Variants in SLC12A9 observed in about 807,000 individuals in gnomAD.
The protein encoded by SLC12A9 is solute carrier family 12 member 9.
Under a neutral mutation model 66.0 loss-of-function variants are expected in SLC12A9, and 55 were observed. That is an observed-to-expected ratio of 0.83 (90% CI 0.67 to 1.04). The LOEUF (loss-of-function observed/expected upper bound fraction) is 1.04. Among genes scored for constraint, SLC12A9 ranks in the 50% least tolerant of loss-of-function variants. SLC12A9 has a pLI of 0.00. For missense variants in SLC12A9, 1,061 were observed against 1,241.9 expected (o/e 0.85, Z 2.19); for synonymous variants, 577 against 569.0 (o/e 1.01, Z -0.20).
intron 1 of SLC12A9, among the ~76,000 whole-genome samples, chr7:100,835,313 C>A (rs1813628331): frequency 6.7e-6 from 1 of 148,738 alleles, no homozygotes; most frequent in Non-Finnish European, 1.5e-5. Context: ...TGAGATGGTT[C>A]CACTGCACTC....
chr7:100,855,269 T>G (rs1747533965), intron 3 of SLC12A9, among the ~76,000 whole-genome samples: 1 of 140,678 alleles, frequency 7.1e-6, no homozygotes, highest in Non-Finnish European at 1.5e-5. Flanking sequence ...ACTATAGGCA[T>G]GTACCACCAC....
chr7:100,866,551 G>C lies in SLC12A9; in HGVS notation c.2691G>C (p.Leu897=), dbSNP rs1227510831. The change falls in exon 14 of 14, where the codon CTG becomes CTC. Residue 897 remains leucine (L), a synonymous_variant. Coordinates refer to ENST00000354161, the MANE Select transcript of SLC12A9 (RefSeq NM_020246.4). The surrounding 1 kb of genome is among the most constrained non-coding windows in gnomAD (Gnocchi z 7.3). ...TACTGGAGACTCTAACCCGAGACCT[G>C]GGCCCCACGCTGCTGGTTCATGGGG... ...LALLETLTRD[L]GPTLLVHGVT... is the part of the protein sequence containing the mutation. The C allele has an allele frequency of 2.5e-6, 4 of 1,587,344 alleles. No individual in the cohort carries two copies. The African/African-American group carries it at 4.0e-5, about 16-fold the overall frequency.
At chr7:100,834,982 C>T (rs754596502) in intron 1 of SLC12A9, among the ~76,000 whole-genome samples, 1 of 151,486 alleles carries the variant, frequency 6.6e-6, no homozygotes, top group Non-Finnish European at 1.5e-5. Flanking sequence ...AGTGAGCCGC[C>T]GTGATCACAC....
chr7:100,849,783 G>T (rs1460484391), upstream of SLC12A9, among the ~76,000 whole-genome samples: 1 of 150,934 alleles, frequency 6.6e-6, no homozygotes, highest in Non-Finnish European at 1.5e-5. Context: ...TCAGGCCTGA[G>T]CCCAACAGTT....
At position 100,826,963 on chromosome 7, in the gene SLC12A9, C is replaced by G. The variant is rs1029838892; in HGVS notation, n.144C>G. 48 of 1,517,930 alleles carry G rather than the reference C, an allele frequency of 3.2e-5. No homozygotes were observed. The highest frequency in any genetic ancestry group is 1.7e-4 in the Middle Eastern group (1 of 5,762). 94.0% of individuals were successfully genotyped at this position (1,517,930 alleles called of 1,614,324 possible). ...CAGGAGTGACGGGGTGCGCCCCCCC[C>G]CGCAAGGAAACTCACCTTCCAAAGC... On this transcript the variant is annotated non_coding_transcript_exon_variant, in exon 1 of 2. Transcript: ENST00000461016.
chr7:100,847,385 T>C (rs1381190201), intron 1 of SLC12A9, among the ~76,000 whole-genome samples: 2 of 152,232 alleles, frequency 1.3e-5, no homozygotes, highest in East Asian at 1.9e-4. Flanking sequence ...TTTACAGATG[T>C]GGCCTTTGGC....
chr7:100,849,649 A>G (rs967602784), upstream of SLC12A9, among the ~76,000 whole-genome samples: 91 of 147,212 alleles, frequency 6.2e-4, no homozygotes, highest in Admixed American at 2.6e-3. Context: ...TGGGATGCGG[A>G]GGGTGCAGTG....
At chr7:100,848,723 A>G (rs1439208366), upstream of SLC12A9, among the ~76,000 whole-genome samples, 1 of 151,618 alleles carries the variant, frequency 6.6e-6, no homozygotes, top group Non-Finnish European at 1.5e-5. Context: ...CGTCTCCACT[A>G]AAAATACAAA....
intron 1 of SLC12A9, chr7:100,853,265 C>G (rs1186600989): frequency 3.9e-5 from 6 of 152,158 alleles, no homozygotes; most frequent in Non-Finnish European, 8.8e-5. Flanking sequence ...CCGTAACTTA[C>G]TTCCCTTTTG....
At chr7:100,830,663 G>T (rs951871189) in intron 1 of SLC12A9, among the ~76,000 whole-genome samples, 3 of 151,782 alleles carry the variant, frequency 2.0e-5, no homozygotes, top group Non-Finnish European at 4.4e-5. Flanking sequence ...ACTACGTGCC[G>T]AGTGATCACA....
intron 1 of SLC12A9, among the ~76,000 whole-genome samples, chr7:100,829,429 C>T (rs765872475): frequency 9.9e-5 from 15 of 152,076 alleles, no homozygotes; most frequent in South Asian, 2.1e-4. Context: ...CCTCTTGTCC[C>T]GGCTTACTTA....
In SLC12A9 at chr7:100,865,904, G is replaced by A; in HGVS notation, c.2044G>A (p.Asp682Asn). The A allele has an allele frequency of 1.2e-6, 2 of 1,613,552 alleles. No individual in the cohort carries two copies. Among genetic ancestry groups the A allele is most frequent in the Non-Finnish European group, 1.7e-6 (2 of 1,179,982 alleles). ...PGSPRALNPQ[D>N]YVATVADALK... is the part of the protein sequence containing the mutation. Reference sequence around the variant, plus strand: ...GAGCCCCCGGGCCCTCAATCCCCAGGACTATGTGGCCACGGTGGCCGACGC... The same window carrying A: ...GAGCCCCCGGGCCCTCAATCCCCAGAACTATGTGGCCACGGTGGCCGACGC... The change falls in exon 14 of 14, where the codon GAC becomes AAC. Residue 682 changes from aspartate (D) to asparagine (N), a missense_variant. Coordinates refer to ENST00000354161, the MANE Select transcript of SLC12A9 (RefSeq NM_020246.4).
chr7:100,844,389 T>C (rs982605731), intron 1 of SLC12A9, among the ~76,000 whole-genome samples: 15 of 152,128 alleles, frequency 9.9e-5, no homozygotes, highest in African/African-American at 3.6e-4. Flanking sequence ...TCACAAACGA[T>C]ATGAGTAAAG....
At chr7:100,849,198 A>T (rs929701861), upstream of SLC12A9, among the ~76,000 whole-genome samples, 1 of 149,020 alleles carries the variant, frequency 6.7e-6, no homozygotes, top group Non-Finnish European at 1.5e-5. Flanking sequence ...AAGTGCTGGG[A>T]TTACAGGTGT....
At chr7:100,848,498 A>AT (rs1813967569), upstream of SLC12A9, among the ~76,000 whole-genome samples, 4 of 138,566 alleles carry the variant, frequency 2.9e-5, no homozygotes, top group Admixed American at 2.5e-4. Flanking sequence ...ACCAAGTCTC[A>AT]AAAATAAATA....
chr7:100,859,843 GTGACGCA>G, intron 7 of SLC12A9, 35 bp from the exon 8 acceptor site: 1 of 1,569,002 alleles, frequency 6.4e-7, no homozygotes, highest in African/African-American at 1.3e-5. Flanking sequence ...TTCTTACCCC[GTGACGCA>G]TGATCATCCG....
rs1815104162 is a variant in SLC12A9, at chr7:100,866,429, G to C, written c.2569G>C (p.Glu857Gln). 6.5e-7 allele frequency: 1 copy of C among 1,547,802 alleles called. No individual in the cohort carries two copies. The highest frequency in any genetic ancestry group is 8.7e-7 in the Non-Finnish European group (1 of 1,145,678). ...RGTGGGPGGP[E>Q]GGDAEGPITA... is the part of the protein sequence containing the mutation. ...CACAGGAGGAGGGCCGGGTGGGCCG[G>C]AGGGTGGGGATGCTGAGGGCCCCAT... is the stretch of plus-strand genomic sequence containing the variant. Residue 857 changes from glutamate to glutamine, a missense_variant, in exon 14 of 14, where the codon GAG becomes CAG. Glu to Gln is a conservative substitution (Grantham distance 29). Transcript: ENST00000354161. The surrounding 1 kb of genome is among the most constrained non-coding windows in gnomAD (Gnocchi z 7.3).
At chr7:100,829,005 TGA>T in intron 1 of SLC12A9, among the ~76,000 whole-genome samples, 1 of 151,592 alleles carries the variant, frequency 6.6e-6, no homozygotes, top group Admixed American at 6.6e-5. Flanking sequence ...TTTTTTTTTT[TGA>T]GACAGAGTCT....
Position 100,865,948 on chromosome 7 carries a change from T to C in SLC12A9, c.2088T>C (p.Asn696=), listed in dbSNP as rs1001330916. 6.2e-7 allele frequency: 1 copy of C among 1,612,586 alleles called. No homozygotes were observed. Among genetic ancestry groups the C allele is most frequent in the Non-Finnish European group, 8.5e-7 (1 of 1,179,608 alleles). The change falls in exon 14 of 14, where the codon AAT becomes AAC. Residue 696 remains asparagine (N), a synonymous_variant. Coordinates refer to ENST00000354161, the MANE Select transcript of SLC12A9 (RefSeq NM_020246.4). ...CCGACGCCCTCAAGATGAACAAGAA[T>C]GTGGTGCTGGCCCGGGCCAGCGGGG... ...TVADALKMNK[N]VVLARASGAL... is the part of the protein sequence containing the mutation.
Sources: allele counts gnomAD v4.1 joint callset (sites outside exome capture counted in the v4.1 genomes callset), GRCh38; gene constraint gnomAD v4.1.1; non-coding constraint Gnocchi (gnomAD v3.1); transcripts MANE v1.5; gene names NCBI Gene and HGNC (gene_info 2026-07-23, HGNC 2026-07-21).